The following LIMCH1 variants were observed in gnomAD, a reference collection of about 807,000 sequenced individuals.
The protein encoded by LIMCH1 is LIM and calponin homology domains-containing protein 1.
Under a neutral mutation model 176.5 loss-of-function variants are expected in LIMCH1, and 113 were observed. The ratio of observed to expected loss-of-function variants is 0.64; its 90% CI spans 0.55 to 0.75. The LOEUF is 0.75. Among genes scored for constraint, LIMCH1 ranks in the 30% least tolerant of loss-of-function variants. The pLI, the probability that LIMCH1 is intolerant of heterozygous loss-of-function variation, is 0.00. For synonymous variants in LIMCH1, 619 were observed against 645.9 expected (o/e 0.96, Z 0.63); for missense variants, 1,674 against 1,814.9 (o/e 0.92, Z 1.41).
chr4:41,490,665 C>T (rs1253180098), intron 1 of LIMCH1, among the ~76,000 whole-genome samples: 1 of 152,206 alleles, frequency 6.6e-6, no homozygotes, highest in African/African-American at 2.4e-5. Context: ...ATGGAGTCTC[C>T]TATGTCTACT....
intron 1 of LIMCH1, among the ~76,000 whole-genome samples, chr4:41,392,768 A>G (rs572037327): frequency 1.4e-3 from 172 of 125,178 alleles, no homozygotes; most frequent in African/African-American, 6.7e-3. Context: ...GCAGTGGCTT[A>G]CCCCTGTCAT....
chr4:41,655,938 T>C (rs111364076), intron 18 of LIMCH1, among the ~76,000 whole-genome samples: 2,114 of 152,268 alleles, frequency 0.014, 34 homozygotes, highest in African/African-American at 0.036. Context: ...GTGTCACTCC[T>C]TTCCATGCCT....
intron 17 of LIMCH1, among the ~76,000 whole-genome samples, chr4:41,649,444 G>A (rs2094200323): frequency 6.6e-6 from 1 of 151,536 alleles, no homozygotes; most frequent in Admixed American, 6.6e-5. Context: ...TGATAATAAT[G>A]GCTAATAGTT....
At chr4:41,618,483 A>G (rs2092311585) in intron 5 of LIMCH1, among the ~76,000 whole-genome samples, 1 of 152,228 alleles carries the variant, frequency 6.6e-6, no homozygotes. Context: ...TAAAAACTAT[A>G]AAGCCCTTAT....
At chr4:41,438,044 T>C (rs1268584815) in intron 1 of LIMCH1, among the ~76,000 whole-genome samples, 2 of 152,204 alleles carry the variant, frequency 1.3e-5, no homozygotes, top group Non-Finnish European at 1.5e-5. Context: ...GGGGCATTCA[T>C]TGTTTTATTG....
At chr4:41,455,664 C>T (rs986061003) in intron 1 of LIMCH1, among the ~76,000 whole-genome samples, 1 of 152,196 alleles carries the variant, frequency 6.6e-6, no homozygotes. Context: ...AATAAAACAG[C>T]TGTATGGCAA....
At chr4:41,592,622 A>G (rs1176403195) in intron 1 of LIMCH1, among the ~76,000 whole-genome samples, 1 of 152,164 alleles carries the variant, frequency 6.6e-6, no homozygotes, top group African/African-American at 2.4e-5. Context: ...ACTCCCAGAC[A>G]ATGAGTGCCC....
upstream of LIMCH1, among the ~76,000 whole-genome samples, chr4:41,535,162 CAAAAAAAAAA>C (rs61639965): frequency 1.2e-5 from 1 of 83,984 alleles, no homozygotes; most frequent in Non-Finnish European, 2.5e-5. Context: ...GACCCTGTCA[CAAAAAAAAAA>C]AAAAAAAAAA....
intron 4 of LIMCH1, 109 bp downstream of exon 4, chr4:41,606,113 C>A: frequency 1.5e-6 from 1 of 684,808 alleles, no homozygotes; most frequent in Non-Finnish European, 2.6e-6. Flanking sequence ...ATGGTATGAG[C>A]CAAAGATATG....
At chr4:41,636,197 A>G (rs1336529983) in intron 13 of LIMCH1, among the ~76,000 whole-genome samples, 1 of 148,720 alleles carries the variant, frequency 6.7e-6, no homozygotes, top group Non-Finnish European at 1.5e-5. Context: ...GGCATGAGCC[A>G]CCATGCCTGG....
intron 1 of LIMCH1, among the ~76,000 whole-genome samples, chr4:41,479,224 A>T (rs1472435253): frequency 6.6e-6 from 1 of 152,200 alleles, no homozygotes; most frequent in East Asian, 1.9e-4. Context: ...GTGCAAGACC[A>T]TTCCTTTATA....
intron 1 of LIMCH1, among the ~76,000 whole-genome samples, chr4:41,587,816 A>G (rs1462941356): frequency 6.6e-6 from 1 of 152,220 alleles, no homozygotes; most frequent in Non-Finnish European, 1.5e-5. Flanking sequence ...AACATAGCCT[A>G]AGCACTGACT....
chr4:41,579,407 T>C (rs970309197), intron 1 of LIMCH1, among the ~76,000 whole-genome samples: 20 of 152,208 alleles, frequency 1.3e-4, no homozygotes, highest in Non-Finnish European at 1.5e-5. Flanking sequence ...TAACTCACAA[T>C]AGCTTGTTGC....
In LIMCH1 at chr4:41,698,550, A is replaced by C. The variant is rs2153107081; in HGVS notation, c.*1365A>C. The C allele has an allele frequency of 6.5e-6, 1 of 152,782 alleles. No individual in the cohort carries two copies. Among genetic ancestry groups the C allele is most frequent in the South Asian group, 2.1e-4 (1 of 4,820 alleles). The allele number at this position is 152,782 out of a possible 1,614,324, so 9.5% of individuals were successfully genotyped here. ...AGGGGGACTATTTATTCTGCCTTAA[A>C]TCAATGGCAAATAAGTCAAGATGAC... On this transcript the variant is annotated 3_prime_UTR_variant, in exon 32 of 32. Coordinates refer to ENST00000503057, the MANE Select transcript of LIMCH1 (RefSeq NM_001330672.2).
intron 1 of LIMCH1, among the ~76,000 whole-genome samples, chr4:41,362,120 C>G (rs1170999484): frequency 3.3e-5 from 5 of 152,346 alleles, no homozygotes; most frequent in African/African-American, 9.6e-5. Context: ...CCTGCAGAAA[C>G]CACCCTCACT....
chr4:41,528,419 A>G (rs929483646), intron 3 of LIMCH1, among the ~76,000 whole-genome samples: 3 of 152,218 alleles, frequency 2.0e-5, no homozygotes, highest in Non-Finnish European at 2.9e-5. Flanking sequence ...GAAACCTCAA[A>G]TAATTAATGG....
chr4:41,429,916 G>A (rs1417614105), intron 1 of LIMCH1, among the ~76,000 whole-genome samples: 1 of 152,150 alleles, frequency 6.6e-6, no homozygotes, highest in Non-Finnish European at 1.5e-5. Context: ...TGTGGGATTT[G>A]GCTTAGAAGT....
chr4:41,620,960 A>C (rs1004070189), intron 7 of LIMCH1, among the ~76,000 whole-genome samples: 1 of 152,214 alleles, frequency 6.6e-6, no homozygotes, highest in Admixed American at 6.5e-5. Context: ...GTGATCAGTC[A>C]TGTGTGGGCT....
At chr4:41,377,073 T>C (rs1429757458) in intron 1 of LIMCH1, among the ~76,000 whole-genome samples, 2 of 152,218 alleles carry the variant, frequency 1.3e-5, no homozygotes, top group East Asian at 3.9e-4. Context: ...GTATGTACAA[T>C]ATTGCAGCAT....
Sources: gnomAD v4.1 joint callset for allele counts (sites outside exome capture counted in the v4.1 genomes callset) on GRCh38, gnomAD v4.1.1 for gene constraint, MANE v1.5 for transcripts, NCBI Gene and HGNC (gene_info 2026-07-23, HGNC 2026-07-21) for gene names.